Variants in AGO3 observed in about 807,000 individuals in gnomAD.
AGO3 encodes protein argonaute-3.
AGO3 carries 16 observed loss-of-function variants against 105.5 expected under a neutral mutation model. That is an observed-to-expected ratio of 0.15 (90% CI 0.10 to 0.23). The LOEUF is 0.23. Ranked by LOEUF, AGO3 falls within the 10% of genes least tolerant of loss-of-function variation. The probability of loss-of-function intolerance (pLI) is 1.00; values close to 1 mark genes in which losing one functional copy is unlikely to be tolerated. For synonymous variants in AGO3, 340 were observed against 367.3 expected (o/e 0.93, Z 0.85); for missense variants, 534 against 1,088.0 (o/e 0.49, Z 7.16).
chr1:35,992,304 C>T (rs1294911783), intron 5 of AGO3: 1 of 152,208 alleles, frequency 6.6e-6, no homozygotes, highest in Non-Finnish European at 1.5e-5. Context: ...AGTATGCCTG[C>T]AGATCTGTGC....
chr1:36,009,450 G>A, intron 8 of AGO3, 25 bp from the exon 9 acceptor site: 1 of 1,598,432 alleles, frequency 6.3e-7, no homozygotes, highest in Non-Finnish European at 8.5e-7. Flanking sequence ...TATACATGTA[G>A]TACAAAACTT....
chr1:35,973,350 G>A, intron 4 of AGO3, 25 bp from the exon 5 acceptor site: 1 of 1,471,442 alleles, frequency 6.8e-7, no homozygotes, highest in South Asian at 1.5e-5. Flanking sequence ...GGAAAGGATT[G>A]AACATGCCAT....
rs1281142873 is a variant in AGO3, at chr1:36,015,859, TTAAAA to T, written c.1406+1817_1406+1821del. On this transcript the variant is annotated intron_variant, in intron 11 of 18. Transcript: ENST00000373191. ...AAAATAGAGCTAATCATATCTTCTGTTAAAATAAAAACTTCAGACAAATTAAATTT... is the reference window on the plus strand; with the variant it reads ...AAAATAGAGCTAATCATATCTTCTGTTAAAAACTTCAGACAAATTAAATTT... Among the ~76,000 whole-genome samples, 4 of 152,238 alleles carry T rather than the reference TTAAAA, an allele frequency of 2.6e-5. No individual in the cohort carries two copies. The East Asian group carries it at 5.8e-4, about 22-fold the overall frequency.
intron 5 of AGO3, among the ~76,000 whole-genome samples, chr1:36,003,742 A>G (rs1229365388): frequency 1.4e-5 from 2 of 142,048 alleles, no homozygotes; most frequent in Non-Finnish European, 3.1e-5. Flanking sequence ...ATATATATGT[A>G]TATTTGTAGC....
intron 5 of AGO3, among the ~76,000 whole-genome samples, chr1:35,980,098 C>CTTTATACTTTATACTTTATACT (rs1553163251): frequency 6.6e-6 from 1 of 152,080 alleles, no homozygotes; most frequent in Non-Finnish European, 1.5e-5. Flanking sequence ...TATCTTTATA[C>CTTTATACTTTATACTTTATACT]TTATACCTTC....
chr1:35,990,808 G>A (rs563668949), intron 5 of AGO3, among the ~76,000 whole-genome samples: 1 of 152,276 alleles, frequency 6.6e-6, no homozygotes, highest in South Asian at 2.1e-4. Context: ...AGATTGCTAA[G>A]ATTGAGAAAT....
At position 36,067,030 on chromosome 1, in the gene AGO3, T is replaced by TTC. The variant is rs1212174800; in HGVS notation, c.*11287_*11288dup. The TTC allele has an allele frequency of 6.6e-6, 1 of 152,228 alleles. No homozygotes were observed. The highest frequency in any genetic ancestry group is 2.4e-5 in the African/African-American group (1 of 41,452). The allele number at this position is 152,228 out of a possible 1,614,324, so 9.4% of individuals were successfully genotyped here. On this transcript the variant is annotated 3_prime_UTR_variant, in exon 19 of 19. Coordinates refer to ENST00000373191, the MANE Select transcript of AGO3 (RefSeq NM_024852.4). ...AACTTAGAGAAGTCTTGGAAGTTGCTTCTGAATTACAGTAAAGAAATTAAA... is the reference window on the plus strand; with the variant it reads ...AACTTAGAGAAGTCTTGGAAGTTGCTTCTCTGAATTACAGTAAAGAAATTAAA...
intron 5 of AGO3, among the ~76,000 whole-genome samples, chr1:35,997,944 G>A (rs1368663684): frequency 6.6e-6 from 1 of 152,072 alleles, no homozygotes; most frequent in African/African-American, 2.4e-5. Flanking sequence ...TGATCCACCC[G>A]CCTTGGCCTC....
At chr1:35,973,773 T>A (rs908669457) in intron 5 of AGO3, among the ~76,000 whole-genome samples, 4 of 152,242 alleles carry the variant, frequency 2.6e-5, no homozygotes, top group African/African-American at 9.6e-5. Context: ...AATCTTCTAT[T>A]ATAACTCACT....
chr1:35,990,830 A>T (rs546445008), intron 5 of AGO3, among the ~76,000 whole-genome samples: 1 of 152,228 alleles, frequency 6.6e-6, no homozygotes, highest in East Asian at 1.9e-4. Context: ...ATTTGATTTT[A>T]TAATATTCAA....
intron 9 of AGO3, among the ~76,000 whole-genome samples, chr1:36,012,336 AG>A (rs1439831503): frequency 1.3e-5 from 2 of 151,558 alleles, no homozygotes; most frequent in Non-Finnish European, 2.9e-5. Context: ...AAAAAAAAAA[AG>A]AAAAGAAAAG....
At chr1:35,991,205 G>A (rs1418756844) in intron 5 of AGO3, among the ~76,000 whole-genome samples, 1 of 152,124 alleles carries the variant, frequency 6.6e-6, no homozygotes. Context: ...TCGGGAGGCT[G>A]AGACAGGAGA....
chr1:36,009,785 C>G (rs945549032), intron 9 of AGO3, among the ~76,000 whole-genome samples, 191 bp downstream of exon 9: 2 of 152,042 alleles, frequency 1.3e-5, no homozygotes, highest in African/African-American at 4.8e-5. Context: ...TTAGGTCCTT[C>G]TCATTTAACC....
intron 5 of AGO3, chr1:35,984,417 G>A (rs968623414): frequency 2.6e-5 from 4 of 152,186 alleles, no homozygotes; most frequent in Admixed American, 2.6e-4. Context: ...AAGGATATCA[G>A]TGCTATGATT....
intron 5 of AGO3, among the ~76,000 whole-genome samples, chr1:35,994,315 A>G (rs1479919177): frequency 1.3e-5 from 2 of 152,022 alleles, no homozygotes; most frequent in Non-Finnish European, 2.9e-5. Flanking sequence ...AATCCTCTCA[A>G]CAGGAAAATT....
chr1:35,969,736 AC>A (rs1454189615), intron 3 of AGO3, among the ~76,000 whole-genome samples: 2 of 152,164 alleles, frequency 1.3e-5, no homozygotes, highest in Non-Finnish European at 2.9e-5. Flanking sequence ...ACTTACGCAA[AC>A]CTGAATGGTA....
chr1:35,937,404 GT>G (rs970560972), intron 1 of AGO3, among the ~76,000 whole-genome samples: 39 of 149,766 alleles, frequency 2.6e-4, no homozygotes, highest in Non-Finnish European at 2.4e-4. Context: ...AAAAAAAATT[GT>G]TTCCCAGCCG....
At chr1:36,045,334 G>C (rs1642419841) in intron 17 of AGO3, among the ~76,000 whole-genome samples, 2 of 151,920 alleles carry the variant, frequency 1.3e-5, no homozygotes, top group South Asian at 4.1e-4. Context: ...CAATTCTCCT[G>C]CCTCAGCCTC....
At chr1:35,980,326 T>C (rs535657122) in intron 5 of AGO3, among the ~76,000 whole-genome samples, 2 of 152,346 alleles carry the variant, frequency 1.3e-5, no homozygotes, top group African/African-American at 4.8e-5. Context: ...GGTGCAGTCA[T>C]TGAGCTTATT....
Sources: gnomAD v4.1 joint callset for allele counts (sites outside exome capture counted in the v4.1 genomes callset) on GRCh38, gnomAD v4.1.1 for gene constraint, MANE v1.5 for transcripts, NCBI Gene and HGNC (gene_info 2026-07-23, HGNC 2026-07-21) for gene names.